The following CLHC1 variants were observed in gnomAD, a reference collection of about 807,000 sequenced individuals.
CLHC1 encodes clathrin heavy chain linker domain containing 1, also known as clathrin heavy chain linker domain-containing protein 1.
CLHC1 carries 72 observed loss-of-function variants against 69.5 expected under a neutral mutation model. The observed-to-expected ratio is 1.04, with a 90% CI of 0.86 to 1.26. CLHC1 has a LOEUF of 1.26. Ranked by LOEUF, CLHC1 falls within the 50% of genes most tolerant of loss-of-function variation. The pLI is 0.00. For missense variants in CLHC1, 790 were observed against 679.3 expected, an observed-to-expected ratio of 1.16 and a Z score of -1.81; for synonymous variants, 223 against 224.3, an observed-to-expected ratio of 0.99 and a Z score of 0.05.
At chr2:55,200,762 G>A (rs1671874041) in intron 9 of CLHC1, among the ~76,000 whole-genome samples, 2 of 152,078 alleles carry the variant, frequency 1.3e-5, no homozygotes. Context: ...CATTCTCAAG[G>A]AAAGACCATA....
At chr2:55,227,677 C>A (rs375912183) in intron 2 of CLHC1, among the ~76,000 whole-genome samples, 170 of 127,628 alleles carry the variant, frequency 1.3e-3, no homozygotes, top group African/African-American at 1.4e-3. Context: ...GACTCCATCT[C>A]AAAAAAAAAA....
At chr2:55,180,255 T>A (rs1325035137) in intron 11 of CLHC1, among the ~76,000 whole-genome samples, 1 of 152,164 alleles carries the variant, frequency 6.6e-6, no homozygotes, top group African/African-American at 2.4e-5. Context: ...TAAAACTGTA[T>A]ATTTCCAGGA....
At chr2:55,177,856 G>T in intron 11 of CLHC1, 75 bp from the exon 12 acceptor site, 1 of 1,034,318 alleles carries the variant, frequency 9.7e-7, no homozygotes, top group Non-Finnish European at 1.4e-6. Flanking sequence ...ACTAGCTAAT[G>T]TCTATACCTG....
chr2:55,211,458 G>C (rs1337946087), intron 5 of CLHC1, among the ~76,000 whole-genome samples: 4 of 142,154 alleles, frequency 2.8e-5, no homozygotes, highest in African/African-American at 5.3e-5. Flanking sequence ...GCCAAGATCA[G>C]GCCACTGCAC....
intron 9 of CLHC1, among the ~76,000 whole-genome samples, chr2:55,201,945 T>C (rs1194230695): frequency 6.6e-6 from 1 of 152,118 alleles, no homozygotes; most frequent in Non-Finnish European, 1.5e-5. Flanking sequence ...TGAAAAAGCA[T>C]TTAATAAAAT....
chr2:55,200,068 TA>T (rs1446862116), intron 9 of CLHC1, among the ~76,000 whole-genome samples: 1 of 151,560 alleles, frequency 6.6e-6, no homozygotes, highest in Non-Finnish European at 1.5e-5. Flanking sequence ...CACAAAAATT[TA>T]AAAAATTAGC....
intron 9 of CLHC1, among the ~76,000 whole-genome samples, chr2:55,202,137 A>G (rs981369589): frequency 6.6e-6 from 1 of 152,170 alleles, no homozygotes; most frequent in Non-Finnish European, 1.5e-5. Context: ...CTGGTATTCA[A>G]CACAGTACTG....
At position 55,180,160 on chromosome 2, in the gene CLHC1, A is replaced by AT. The variant is rs569883250; in HGVS notation, c.1384+349_1384+350insA. 3.5e-3 allele frequency among the ~76,000 whole-genome samples: 529 copies of AT among 151,614 alleles called. 1 individual carries two copies. Among genetic ancestry groups the AT allele is most frequent in the South Asian group, 9.4e-3 (45 of 4,790 alleles). ...AGAGTGAGACTCCATCTCAAAAAAAAATATATATATATATATCTCACAAAT... is the reference window on the plus strand; with the variant it reads ...AGAGTGAGACTCCATCTCAAAAAAAATATATATATATATATATCTCACAAAT... On this transcript the variant is annotated intron_variant, in intron 11 of 12. Transcript: ENST00000401408.
chr2:55,194,564 A>G (rs1394945252), intron 9 of CLHC1, among the ~76,000 whole-genome samples: 1 of 152,146 alleles, frequency 6.6e-6, no homozygotes, highest in African/African-American at 2.4e-5. Context: ...AAGCAAGAAA[A>G]AAAAAAAGTC....
At position 55,210,523 on chromosome 2, in the gene CLHC1, A is replaced by G. The variant is rs566876929; in HGVS notation, c.500-692T>C. Among the ~76,000 whole-genome samples, 25 of 152,196 alleles carry G rather than the reference A, an allele frequency of 1.6e-4. No homozygotes were observed. The East Asian group carries it at 3.3e-3, about 20-fold the overall frequency. On this transcript the variant is annotated intron_variant, in intron 5 of 12. Transcript: ENST00000401408. ...AGGCTAGCAGTTTTAAACATTATCA[A>G]TGAAGACTCGGTGAAGACTGAGAAC...
intron 9 of CLHC1, among the ~76,000 whole-genome samples, chr2:55,193,617 T>C (rs1671133769): frequency 6.6e-6 from 1 of 152,112 alleles, no homozygotes; most frequent in South Asian, 2.1e-4. Context: ...AGAAAGTCTA[T>C]AATCAAAAGA....
At chr2:55,192,096 A>C (rs951276151) in intron 9 of CLHC1, among the ~76,000 whole-genome samples, 2 of 151,962 alleles carry the variant, frequency 1.3e-5, no homozygotes, top group Non-Finnish European at 2.9e-5. Flanking sequence ...TAAAAGGCAA[A>C]GACTGTCAGA....
intron 2 of CLHC1, among the ~76,000 whole-genome samples, chr2:55,227,069 G>A (rs1441736781): frequency 6.6e-6 from 1 of 152,216 alleles, no homozygotes; most frequent in Admixed American, 6.5e-5. Flanking sequence ...GCCATATACA[G>A]AAGAGGAGAC....
At chr2:55,188,144 T>A (rs972124509) in intron 9 of CLHC1, among the ~76,000 whole-genome samples, 1 of 151,984 alleles carries the variant, frequency 6.6e-6, no homozygotes, top group African/African-American at 2.4e-5. Context: ...CAAGTCTCCA[T>A]CTGTACAAAA....
intron 9 of CLHC1, among the ~76,000 whole-genome samples, chr2:55,195,854 A>G (rs1671364278): frequency 6.6e-6 from 1 of 152,142 alleles, no homozygotes; most frequent in East Asian, 1.9e-4. Context: ...TACCTACACA[A>G]AAAAGCACCT....
Position 55,173,911 on chromosome 2 carries a change from T to C in CLHC1, c.*1879A>G, listed in dbSNP as rs556101310. ...GCTGTTTAAGCTTTCTCTAGATTTA[T>C]ATACCTACTTTATCCTCCTGGCTTT... On this transcript the variant is annotated 3_prime_UTR_variant, in exon 13 of 13. Transcript: ENST00000401408. Among the ~76,000 whole-genome samples the C allele has an allele frequency of 3.9e-5, 6 of 152,052 alleles. No homozygotes were observed. The South Asian group carries it at 6.2e-4, about 16-fold the overall frequency.
intron 7 of CLHC1, 34 bp downstream of exon 7, chr2:55,209,370 T>C: frequency 7.5e-7 from 1 of 1,338,702 alleles, no homozygotes; most frequent in Non-Finnish European, 1.0e-6. Flanking sequence ...TGTCTTCCAT[T>C]ATTGGTACTA....
intron 7 of CLHC1, among the ~76,000 whole-genome samples, 153 bp from the exon 8 acceptor site, chr2:55,208,863 CTCTTTT>C (rs1225651072): frequency 1.2e-4 from 14 of 118,926 alleles, no homozygotes; most frequent in African/African-American, 4.2e-4. Context: ...CGTCCCTTTC[CTCTTTT>C]TTTTTTTTTT....
At chr2:55,186,711 G>C (rs906143263) in intron 9 of CLHC1, among the ~76,000 whole-genome samples, 2 of 152,054 alleles carry the variant, frequency 1.3e-5, no homozygotes, top group African/African-American at 4.8e-5. Flanking sequence ...GAAGGTCAAG[G>C]CTGCAGTGAG....
Sources: allele counts gnomAD v4.1 joint callset (sites outside exome capture counted in the v4.1 genomes callset), GRCh38; gene constraint gnomAD v4.1.1; transcripts MANE v1.5; gene names NCBI Gene and HGNC (gene_info 2026-07-23, HGNC 2026-07-21).